The following CYP7A1 variants were observed in gnomAD, a reference collection of about 807,000 sequenced individuals.
CYP7A1 encodes the protein cytochrome P450 7A1.
A neutral mutation model predicts 43.8 loss-of-function variants in CYP7A1; 28 were observed. That is an observed-to-expected ratio of 0.64 (90% CI 0.47 to 0.88). The LOEUF (loss-of-function observed/expected upper bound fraction) is 0.88. Among genes scored for constraint, CYP7A1 ranks in the 40% least tolerant of loss-of-function variants. CYP7A1 has a pLI of 0.00. For synonymous variants in CYP7A1, 227 were observed against 222.5 expected (o/e 1.02, Z -0.18); for missense variants, 637 against 611.9 (o/e 1.04, Z -0.43).
Position 58,496,716 on chromosome 8 carries a change from T to A in CYP7A1, c.796A>T (p.Thr266Ser), listed in dbSNP as rs1809446994. 6.2e-7 allele frequency: 1 copy of A among 1,614,194 alleles called. No homozygotes were observed. The highest frequency in any genetic ancestry group is 8.5e-7 in the Non-Finnish European group (1 of 1,180,042). ...TCCAGATCATCAAAGGTGGACAAAG[T>A]GTCATTGAGAAACATGCGCAGGCTG... ...LISLRMFLND[T>S]LSTFDDLEKA... The change falls in exon 3 of 6, where the codon ACT (threonine) becomes TCT (serine). Residue 266 changes from threonine to serine, a missense_variant. Transcript: ENST00000301645.
chr8:58,495,215 T>TTTATTTATTTATTTATTTATTTATTTA (rs1809420243), intron 3 of CYP7A1, among the ~76,000 whole-genome samples: 4 of 143,404 alleles, frequency 2.8e-5, no homozygotes, highest in African/African-American at 7.9e-5. Context: ...TTTATTTTAT[T>TTTATTTATTTATTTATTTATTTATTTA]TTTATTTATT....
At chr8:58,493,649 G>A (rs547868458) in intron 4 of CYP7A1, among the ~76,000 whole-genome samples, 4 of 152,240 alleles carry the variant, frequency 2.6e-5, no homozygotes, top group South Asian at 4.1e-4. Flanking sequence ...TGGAACCTAA[G>A]CTTCTTGCCT....
rs1391592146 is a variant in CYP7A1 at position 58,498,219 on chromosome 8, A to G, written c.321+10T>C. The G allele has an allele frequency of 6.2e-7, 1 of 1,613,796 alleles. No homozygotes were observed. The highest frequency in any genetic ancestry group is 8.5e-7 in the Non-Finnish European group (1 of 1,179,924). ...CAAACAGAATGGTATATAAATGTAA[A>G]ACTGCTTACCTTCGCAGAAGTAGCA... On this transcript the variant is annotated intron_variant, in intron 2 of 5. Transcript: ENST00000301645.
intron 1 of CYP7A1, among the ~76,000 whole-genome samples, chr8:58,499,006 C>T (rs940022910): frequency 4.6e-5 from 7 of 152,118 alleles, no homozygotes; most frequent in Non-Finnish European, 7.4e-5. Flanking sequence ...GAAGAAGAAT[C>T]TCATGTGAGA....
Position 58,496,633 on chromosome 8 carries a change from C to T in CYP7A1, c.879G>A (p.Ala293=), listed in dbSNP as rs1361251130. Residue 293 remains alanine, a synonymous_variant, in exon 3 of 6, where the codon GCG becomes GCA. Coordinates refer to ENST00000301645, the MANE Select transcript of CYP7A1 (RefSeq NM_000780.4). ...TCATTTGAAATAAACTCCAGAAAGT[C>T]GCTGGAATGGTGTTTGCTTGCGATG... is the stretch of plus-strand genomic sequence containing the variant. ...LWASQANTIP[A]TFWSLFQMIR... The T allele has an allele frequency of 6.8e-6, 11 of 1,613,868 alleles. No homozygotes were observed. Among genetic ancestry groups the T allele is most frequent in the African/African-American group, 6.7e-5 (5 of 74,906 alleles).
rs561539167 is a variant in CYP7A1, at chr8:58,491,912, A to G, written c.1216-138T>C. ...TGATTTAGCAAATACTCCACATTGA[A>G]TCAGAAAGTAATAAGGAACAGGAGC... On this transcript the variant is annotated intron_variant, in intron 5 of 5. Coordinates refer to ENST00000301645, the MANE Select transcript of CYP7A1 (RefSeq NM_000780.4). 7.7e-4 allele frequency: 557 copies of G among 720,446 alleles called. 9 individuals are homozygous for G. Among genetic ancestry groups the G allele is most frequent in the South Asian group, 5.8e-3 (338 of 57,856 alleles). 44.6% of individuals were successfully genotyped at this position (720,446 alleles called of 1,614,324 possible). A position where few individuals can be genotyped will look rare whatever the true frequency, so the allele number is the denominator to read the frequency against.
chr8:58,493,808 T>C (rs1351498968), intron 4 of CYP7A1, among the ~76,000 whole-genome samples: 1 of 152,154 alleles, frequency 6.6e-6, no homozygotes, highest in Admixed American at 6.5e-5. Flanking sequence ...GAGACCAGTC[T>C]GGACAACATG....
At position 58,498,487 on chromosome 8, in the gene CYP7A1, A is replaced by G. The variant is rs770645008; in HGVS notation, c.81-18T>C. On this transcript the variant is annotated intron_variant, in intron 1 of 5. Transcript: ENST00000301645. ...CCGTTTGCCTGTCAGACACAAGTGT[A>G]TGATAGACATGGATGATTACAGTTT... The G allele has an allele frequency of 3.1e-6, 5 of 1,613,702 alleles. No homozygotes were observed. Among genetic ancestry groups the G allele is most frequent in the Non-Finnish European group, 4.2e-6 (5 of 1,179,806 alleles).
chr8:58,492,511 A>G lies in CYP7A1; in HGVS notation c.1057T>C (p.Ser353Pro). The G allele has an allele frequency of 6.2e-7, 1 of 1,613,610 alleles. No homozygotes were observed. Among genetic ancestry groups the G allele is most frequent in the Non-Finnish European group, 8.5e-7 (1 of 1,179,524 alleles). Reference sequence around the variant, plus strand: ...AGGGAGGCACTGGAAAGCCTCAGCGATTCCTTGATTATACTATCTAAACAT... The same window carrying G: ...AGGGAGGCACTGGAAAGCCTCAGCGGTTCCTTGATTATACTATCTAAACAT... ...LPVLDSIIKE[S>P]LRLSSASLNI... Residue 353 changes from serine (S) to proline (P), a missense_variant, in exon 5 of 6, where the codon TCG becomes CCG. Coordinates refer to ENST00000301645, the MANE Select transcript of CYP7A1 (RefSeq NM_000780.4).
chr8:58,499,954 A>G (rs1809505252), intron 1 of CYP7A1, 65 bp downstream of exon 1: 2 of 1,335,700 alleles, frequency 1.5e-6, no homozygotes, highest in South Asian at 1.2e-5. Flanking sequence ...TTACTGTATA[A>G]AAATGAAGGT....
chr8:58,493,439 A>C (rs900644825), intron 4 of CYP7A1, among the ~76,000 whole-genome samples: 3 of 152,232 alleles, frequency 2.0e-5, no homozygotes, highest in Admixed American at 6.5e-5. Context: ...AACCAACCTG[A>C]AAATGGCTGA....
Position 58,497,017 on chromosome 8 carries a change from G to A in CYP7A1, c.495C>T (p.Ala165=). Residue 165 remains alanine, a synonymous_variant, in exon 3 of 6, where the codon GCC becomes GCT. Coordinates refer to ENST00000301645, the MANE Select transcript of CYP7A1 (RefSeq NM_000780.4). ...PPVSSNSKTA[A]WVTEGMYSFC... ...AAGAATACATCCCTTCTGTCACCCAGGCAGCGGTCTTTGAGTTAGAGGAGA... is the reference window on the plus strand; with the variant it reads ...AAGAATACATCCCTTCTGTCACCCAAGCAGCGGTCTTTGAGTTAGAGGAGA... 1.2e-6 allele frequency: 2 copies of A among 1,612,270 alleles called. No homozygotes were observed. The highest frequency in any genetic ancestry group is 1.1e-5 in the South Asian group (1 of 91,076).
At chr8:58,494,372 G>A (rs1809405364) in intron 4 of CYP7A1, 134 bp downstream of exon 4, 8 of 943,754 alleles carry the variant, frequency 8.5e-6, no homozygotes, top group South Asian at 8.4e-5. Context: ...ACAGTTGTGA[G>A]GATTAACCGA....
At position 58,491,715 on chromosome 8, in the gene CYP7A1, A is replaced by G. The variant is rs752679173; in HGVS notation, c.1275T>C (p.Cys425=). The G allele has an allele frequency of 3.5e-5, 56 of 1,613,422 alleles. No homozygotes were observed. In the Middle Eastern group the frequency reaches 6.6e-4, roughly 19 times the overall value. Residue 425 remains cysteine, a synonymous_variant, in exon 6 of 6, where the codon TGT becomes TGC. Transcript: ENST00000301645. Reference sequence around the variant, plus strand: ...AGTAATACTTTAACTTGAGTCCATTACAATAGAAGGTAGTCTTTGTCTTCC... The same window carrying G: ...AGTAATACTTTAACTTGAGTCCATTGCAATAGAAGGTAGTCTTTGTCTTCC... ...ENGKTKTTFY[C]NGLKLKYYYM...
rs189453534 is a variant in CYP7A1 at position 58,493,935 on chromosome 8, G to A, written c.1039+571C>T. On this transcript the variant is annotated intron_variant, in intron 4 of 5. Transcript: ENST00000301645. ...GAATGGCTTGAACCCAGGAGGCAGA[G>A]GTTGCAGTAAGCCAAGATCGCGCCA... Among the ~76,000 whole-genome samples the A allele has an allele frequency of 1.9e-3, 291 of 152,196 alleles. 8 individuals carry two copies. In the East Asian group the frequency reaches 0.052, roughly 27 times the overall value.
At position 58,498,382 on chromosome 8, in the gene CYP7A1, GA is replaced by G; in HGVS notation, c.167del (p.Leu56ProfsTer16). 6.2e-7 allele frequency: 1 copy of G among 1,614,114 alleles called. No individual in the cohort carries two copies. Among genetic ancestry groups the G allele is most frequent in the African/African-American group, 1.3e-5 (1 of 75,040 alleles). ...LQFGANPLEFLRANQRKHGHV... is the reference protein window; with the variant it reads ...LQFGANPLEFXRANQRKHGHV... ...GACCATGTTTCCTTTGATTTGCTCT[GA>G]GGAACTCAAGAGGATTGGCACCAAA... On this transcript the variant is annotated frameshift_variant, in exon 2 of 6. Transcript: ENST00000301645. LOFTEE classifies it high-confidence loss of function.
chr8:58,498,610 G>A (rs1809485295), intron 1 of CYP7A1, 141 bp from the exon 2 acceptor site: 5 of 820,508 alleles, frequency 6.1e-6, no homozygotes, highest in Non-Finnish European at 1.0e-5. Flanking sequence ...GATGGGCCCT[G>A]CTCTTTTACT....
rs1809506002 is a variant in CYP7A1, at chr8:58,500,004, T to C, written c.80+15A>G. On this transcript the variant is annotated intron_variant, in intron 1 of 5. Transcript: ENST00000301645. ...GATGAATCAAAGAGCAATTTAAAGA[T>C]AAAACATTACTTACCTTCTCCTAAT... 3.7e-6 allele frequency: 6 copies of C among 1,601,018 alleles called. No individual in the cohort carries two copies. Among genetic ancestry groups the C allele is most frequent in the Non-Finnish European group, 3.4e-6 (4 of 1,168,506 alleles).
In CYP7A1 at chr8:58,494,493, C is replaced by A; in HGVS notation, c.1039+13G>T. On this transcript the variant is annotated intron_variant, in intron 4 of 5. Transcript: ENST00000301645. The stretch of plus-strand genomic sequence containing the variant: ...ACATAGAAAATGAAACTCAACATAA[C>A]AAGTATACCCACCTAATACTGGCAG... The A allele has an allele frequency of 6.2e-7, 1 of 1,613,606 alleles. No individual in the cohort carries two copies. The highest frequency in any genetic ancestry group is 1.1e-5 in the South Asian group (1 of 91,068).
Sources: allele counts gnomAD v4.1 joint callset (sites outside exome capture counted in the v4.1 genomes callset), GRCh38; gene constraint gnomAD v4.1.1; transcripts MANE v1.5; gene names NCBI Gene and HGNC (gene_info 2026-07-23, HGNC 2026-07-21).